The following TTC13 variants were observed in gnomAD, a reference collection of about 807,000 sequenced individuals.
The protein encoded by TTC13 is tetratricopeptide repeat domain 13, also known as tetratricopeptide repeat protein 13.
Under a neutral mutation model 120.0 loss-of-function variants are expected in TTC13, and 62 were observed. The observed-to-expected ratio is 0.52, with a 90% CI of 0.42 to 0.64. The LOEUF (loss-of-function observed/expected upper bound fraction) is 0.64. Among genes scored for constraint, TTC13 ranks in the 30% least tolerant of loss-of-function variants. The pLI is 0.00. For missense variants in TTC13, 824 were observed against 1,050.2 expected, an observed-to-expected ratio of 0.78 and a Z score of 2.98; for synonymous variants, 384 against 393.5, an observed-to-expected ratio of 0.98 and a Z score of 0.28.
intron 17 of TTC13, 136 bp downstream of exon 17, chr1:230,920,373 AT>A: frequency 3.6e-6 from 2 of 560,166 alleles, no homozygotes; most frequent in Non-Finnish European, 6.1e-6. Context: ...AGGTTCTTTT[AT>A]TTTGGTTATT....
chr1:230,927,442 T>G (rs1326790768), intron 12 of TTC13, among the ~76,000 whole-genome samples: 3 of 152,198 alleles, frequency 2.0e-5, no homozygotes. Flanking sequence ...AAAAATCTCA[T>G]GAGGCCTTAA....
At chr1:230,936,090 C>T (rs1486424668) in intron 8 of TTC13, 4 of 438,490 alleles carry the variant, frequency 9.1e-6, no homozygotes, top group African/African-American at 2.0e-5. Context: ...CCCATCGGGG[C>T]GTGTTAAGTC....
In TTC13 at chr1:230,947,809, T is replaced by A. The variant is rs150294338; in HGVS notation, c.514-2355A>T. On this transcript the variant is annotated intron_variant, in intron 4 of 22. Transcript: ENST00000366661. Reference sequence around the variant, plus strand: ...CCAAGAGGTGAATCAGAAAAAGATGTAAATAAGCAGTTATTCTACAAATAC... The same window carrying A: ...CCAAGAGGTGAATCAGAAAAAGATGAAAATAAGCAGTTATTCTACAAATAC... Among the ~76,000 whole-genome samples, 76 of 152,268 alleles carry A rather than the reference T, an allele frequency of 5.0e-4. No homozygotes were observed. The East Asian group carries it at 0.014, about 27-fold the overall frequency.
In TTC13 at chr1:230,906,914, CT is replaced by C; in HGVS notation, c.2573del (p.Lys858ArgfsTer56). 1 of 1,501,428 alleles carries C rather than the reference CT, an allele frequency of 6.7e-7. No individual in the cohort carries two copies. Among genetic ancestry groups the C allele is most frequent in the South Asian group, 1.3e-5 (1 of 74,634 alleles). The allele number at this position is 1,501,428 out of a possible 1,614,324, so 93.0% of individuals were successfully genotyped here. On this transcript the variant is annotated frameshift_variant, in exon 23 of 23. Transcript: ENST00000366661. LOFTEE classifies it high-confidence loss of function. ...LNTDSSPRCL[K>X]KL ...AAATACAGCAGCAGAACTAGAGTTT[CT>C]TAAGACAACGTGGAGAAGAGTCTGT... is the stretch of plus-strand genomic sequence containing the variant.
Position 230,940,365 on chromosome 1 carries a change from G to C in TTC13, c.789+75C>G. On this transcript the variant is annotated intron_variant, in intron 7 of 22. Transcript: ENST00000366661. This position sits in a 1 kb window ranked among gnomAD's most constrained non-coding sequence, Gnocchi z 4.1. ...ACAGTCAAAGCCCAAATCTATCAAA[G>C]AGTCACTTTCTGAGGTCAAGGGAAA... is the stretch of plus-strand genomic sequence containing the variant. The C allele has an allele frequency of 1.1e-6, 1 of 935,302 alleles. No homozygotes were observed. 57.9% of individuals were successfully genotyped at this position (935,302 alleles called of 1,614,324 possible).
intron 1 of TTC13, among the ~76,000 whole-genome samples, chr1:230,961,810 T>A (rs575024985): frequency 9.9e-5 from 15 of 152,222 alleles, no homozygotes; most frequent in Admixed American, 6.5e-4. Context: ...GAACTAATAT[T>A]GTTGTTGAGA....
chr1:230,942,740 G>A lies in TTC13; in HGVS notation c.672+1066C>T, dbSNP rs1674627775. 6.6e-6 allele frequency among the ~76,000 whole-genome samples: 1 copy of A among 152,034 alleles called. No individual in the cohort carries two copies. The highest frequency in any genetic ancestry group is 2.1e-4 in the South Asian group (1 of 4,832). On this transcript the variant is annotated intron_variant, in intron 6 of 22. Coordinates refer to ENST00000366661, the MANE Select transcript of TTC13 (RefSeq NM_024525.5). This position sits in a 1 kb window ranked among gnomAD's most constrained non-coding sequence, Gnocchi z 4.0. The stretch of plus-strand genomic sequence containing the variant: ...TTCACTTAAAAACATAAAACAGAAT[G>A]CCTTTGTACAGACTCTCTTCCCTGC...
chr1:230,941,610 TCCTTATTAGACAGGTTATTTCTAC>T (rs1341553416), intron 6 of TTC13, among the ~76,000 whole-genome samples: 1 of 152,206 alleles, frequency 6.6e-6, no homozygotes, highest in Non-Finnish European at 1.5e-5. Context: ...GCCTATTCCA[TCCTTATTAGACAGGTTATTTCTAC>T]CGAATTTTAT....
At chr1:230,948,491 T>C (rs1458600435) in intron 4 of TTC13, among the ~76,000 whole-genome samples, 1 of 147,362 alleles carries the variant, frequency 6.8e-6, no homozygotes, top group African/African-American at 2.5e-5. Context: ...TCCTTCCTCT[T>C]TTTTTTTTTT....
At chr1:230,939,334 A>T (rs187941037) in intron 8 of TTC13, 52 bp downstream of exon 8, 3 of 1,189,294 alleles carry the variant, frequency 2.5e-6, no homozygotes, top group Middle Eastern at 2.0e-4. Context: ...CCTCCCACCC[A>T]CAAAAGAGAA....
chr1:230,975,927 G>A (rs1043533214), intron 1 of TTC13, among the ~76,000 whole-genome samples: 2 of 152,186 alleles, frequency 1.3e-5, no homozygotes, highest in African/African-American at 4.8e-5. Flanking sequence ...GGATTGGTGG[G>A]CTCCCACCAG....
intron 1 of TTC13, among the ~76,000 whole-genome samples, chr1:230,966,298 T>C (rs1020776546): frequency 1.3e-5 from 2 of 152,188 alleles, no homozygotes; most frequent in African/African-American, 2.4e-5. Flanking sequence ...ACATTCTTTC[T>C]TCAGATAAAC....
intron 4 of TTC13, among the ~76,000 whole-genome samples, chr1:230,952,492 CA>C (rs1675688567): frequency 6.6e-6 from 1 of 152,236 alleles, no homozygotes; most frequent in Admixed American, 6.5e-5. Context: ...GCGAGCAAAG[CA>C]GTCCAATCTT....
At chr1:230,955,459 C>T (rs1262274900) in intron 3 of TTC13, among the ~76,000 whole-genome samples, 2 of 150,454 alleles carry the variant, frequency 1.3e-5, no homozygotes, top group South Asian at 2.1e-4. Flanking sequence ...GTCAGGAGAT[C>T]GAGACCATCC....
chr1:230,913,952 G>A (rs1671761572), intron 18 of TTC13, among the ~76,000 whole-genome samples: 2 of 152,194 alleles, frequency 1.3e-5, no homozygotes. Flanking sequence ...GGTTTGGGTA[G>A]CCACAGGCAA....
At chr1:230,954,673 ATC>A (rs1486268063) in intron 3 of TTC13, among the ~76,000 whole-genome samples, 1 of 152,250 alleles carries the variant, frequency 6.6e-6, no homozygotes, top group Admixed American at 6.5e-5. Flanking sequence ...TTCTAAGGCC[ATC>A]ATTCATTTTC....
rs1324484555 is a variant in TTC13 at position 230,920,379 on chromosome 1, G to A, written c.1983+131C>T. The A allele has an allele frequency of 1.0e-5, 6 of 583,616 alleles. No homozygotes were observed. In the East Asian group the frequency reaches 1.6e-4, roughly 16 times the overall value. 36.2% of individuals were successfully genotyped at this position (583,616 alleles called of 1,614,324 possible). On this transcript the variant is annotated intron_variant, in intron 17 of 22. Transcript: ENST00000366661. Reference sequence around the variant, plus strand: ...GATGCCTGTAGGTTCTTTTATTTTGGTTATTATTCAGAATGTGTTCATACG... The same window carrying A: ...GATGCCTGTAGGTTCTTTTATTTTGATTATTATTCAGAATGTGTTCATACG...
At chr1:230,911,332 G>A in intron 20 of TTC13, 138 bp downstream of exon 20, 1 of 539,598 alleles carries the variant, frequency 1.9e-6, no homozygotes, top group Non-Finnish European at 3.2e-6. Flanking sequence ...ATATTTTTTT[G>A]TGCAGATTTT....
At chr1:230,909,121 C>A in intron 20 of TTC13, 101 bp from the exon 21 acceptor site, 1 of 1,007,264 alleles carries the variant, frequency 9.9e-7, no homozygotes, top group Non-Finnish European at 1.5e-6. Flanking sequence ...AAAATTTATT[C>A]AAAAATTCTT....
Sources: gnomAD v4.1 joint callset for allele counts (sites outside exome capture counted in the v4.1 genomes callset) on GRCh38, gnomAD v4.1.1 for gene constraint, Gnocchi (gnomAD v3.1) non-coding constraint, MANE v1.5 for transcripts, NCBI Gene and HGNC (gene_info 2026-07-23, HGNC 2026-07-21) for gene names.